The following MORC1 variants were observed in gnomAD, a reference collection of about 807,000 sequenced individuals.
The protein encoded by MORC1 is MORC family CW-type zinc finger protein 1.
MORC1 carries 59 observed loss-of-function variants against 134.9 expected under a neutral mutation model. The ratio of observed to expected loss-of-function variants is 0.44; its 90% CI spans 0.35 to 0.54. MORC1 has a LOEUF of 0.54. MORC1 is among the 20% of genes least tolerant of loss of function. The probability of loss-of-function intolerance (pLI) is 0.00; values close to 1 mark genes in which losing one functional copy is unlikely to be tolerated. For missense variants in MORC1, 947 were observed against 1,134.5 expected (o/e 0.83, Z 2.37); for synonymous variants, 395 against 391.7 (o/e 1.01, Z -0.10).
chr3:108,983,570 G>A (rs185767391), intron 23 of MORC1, among the ~76,000 whole-genome samples: 22 of 152,228 alleles, frequency 1.4e-4, no homozygotes, highest in African/African-American at 5.3e-4. Flanking sequence ...TATCCTTTAG[G>A]AACCTGTATG....
At chr3:109,021,937 G>C (rs902581132) in intron 17 of MORC1, among the ~76,000 whole-genome samples, 2 of 152,190 alleles carry the variant, frequency 1.3e-5, no homozygotes, top group African/African-American at 4.8e-5. Context: ...TTGTACACTA[G>C]TTAATCATAA....
At chr3:108,977,115 T>C (rs1211307786) in intron 24 of MORC1, among the ~76,000 whole-genome samples, 7 of 152,194 alleles carry the variant, frequency 4.6e-5, no homozygotes, top group Non-Finnish European at 8.8e-5. Context: ...GGGTATATGC[T>C]ATATATGATT....
rs776364556 is a variant in MORC1, at chr3:108,984,759, C to T, written c.2281G>A (p.Val761Ile). Reference sequence around the variant, plus strand: ...GAAGAGCTTCTTTTCATTGCTAGAACATCATTGCACAGCTCCTGTTTTTCT... The same window carrying T: ...GAAGAGCTTCTTTTCATTGCTAGAATATCATTGCACAGCTCCTGTTTTTCT... ...NQEKQELCND[V>I]LAMKRSSSLP... Residue 761 changes from valine to isoleucine, a missense_variant, in exon 23 of 28, where the codon GTT becomes ATT. Val to Ile is a conservative substitution (Grantham distance 29). Coordinates refer to ENST00000232603, the MANE Select transcript of MORC1 (RefSeq NM_014429.4). 3 of 1,609,206 alleles carry T rather than the reference C, an allele frequency of 1.9e-6. No individual in the cohort carries two copies. The highest frequency in any genetic ancestry group is 1.3e-5 in the African/African-American group (1 of 74,772).
At chr3:109,082,755 A>C (rs539430507) in intron 8 of MORC1, among the ~76,000 whole-genome samples, 1 of 152,264 alleles carries the variant, frequency 6.6e-6, no homozygotes, top group East Asian at 1.9e-4. Context: ...AAAAAAATGA[A>C]AGAAACAAAG....
At position 108,963,488 on chromosome 3, in the gene MORC1, T is replaced by C; in HGVS notation, c.2725A>G (p.Lys909Glu). The C allele has an allele frequency of 2.5e-6, 4 of 1,612,988 alleles. No individual in the cohort carries two copies. The highest frequency in any genetic ancestry group is 1.3e-5 in the African/African-American group (1 of 75,020). Residue 909 changes from lysine (K) to glutamate (E), a missense_variant, in exon 27 of 28, where the codon AAA (lysine) becomes GAA (glutamate). By Grantham distance (56) the Lys-to-Glu change is moderately conservative. This residue lies in a region of MORC1 where 722 missense variants were observed against 817.0 expected (regional missense o/e 0.88). Coordinates refer to ENST00000232603, the MANE Select transcript of MORC1 (RefSeq NM_014429.4). ...AGCTTATCCTCAGAGATTTTTCTTTTATTTTCACATTGCCCCAGAGAGATT... is the reference window on the plus strand; with the variant it reads ...AGCTTATCCTCAGAGATTTTTCTTTCATTTTCACATTGCCCCAGAGAGATT... ...NEISLGQCEN[K>E]RKISEDKLKN...
chr3:109,001,130 C>CTTTTTA, intron 20 of MORC1, among the ~76,000 whole-genome samples: 1 of 152,008 alleles, frequency 6.6e-6, no homozygotes, highest in Admixed American at 6.6e-5. Context: ...GCTTATCTTT[C>CTTTTTA]TTTTTATTTT....
chr3:109,062,581 C>T (rs1042601695), intron 10 of MORC1, among the ~76,000 whole-genome samples: 5 of 151,928 alleles, frequency 3.3e-5, no homozygotes, highest in African/African-American at 9.7e-5. Context: ...CCACCACACC[C>T]GGCTAACTTT....
chr3:109,064,123 A>G (rs113224587), intron 9 of MORC1, among the ~76,000 whole-genome samples: 1 of 152,150 alleles, frequency 6.6e-6, no homozygotes, highest in African/African-American at 2.4e-5. Context: ...GTTTAAAAAA[A>G]CCTGTGTGTG....
chr3:108,987,549 GATT>G (rs1393030304), intron 21 of MORC1, among the ~76,000 whole-genome samples: 1 of 152,112 alleles, frequency 6.6e-6, no homozygotes, highest in African/African-American at 2.4e-5. Flanking sequence ...TTAGTGTGTT[GATT>G]GTTGGAGCCA....
At chr3:109,076,468 C>T (rs776814268) in intron 8 of MORC1, among the ~76,000 whole-genome samples, 11 of 152,168 alleles carry the variant, frequency 7.2e-5, no homozygotes, top group East Asian at 1.9e-4. Context: ...CCAGCAATCC[C>T]ATTACTGGGT....
At chr3:108,973,792 G>A (rs562212175) in intron 24 of MORC1, among the ~76,000 whole-genome samples, 1 of 151,774 alleles carries the variant, frequency 6.6e-6, no homozygotes, top group East Asian at 1.9e-4. Context: ...TAGAGATGGG[G>A]TTTTGCCATG....
In MORC1 at chr3:109,099,423, T is replaced by G; in HGVS notation, c.358A>C (p.Lys120Gln). The change falls in exon 6 of 28, where the codon AAG (lysine) becomes CAG (glutamine). Residue 120 changes from lysine to glutamine, a missense_variant. Lys to Gln is a moderately conservative substitution (Grantham distance 53). This residue lies in a region of MORC1 where 214 missense variants were observed against 281.3 expected (regional missense o/e 0.76). Coordinates refer to ENST00000232603, the MANE Select transcript of MORC1 (RefSeq NM_014429.4). ...IGKDFILFTK[K>Q]EETMTCVFFS... ...AACACACAGGTCATCGTTTCTTCCT[T>G]CTTCGTAAAAAGAATAAAGTCTTTT... is the stretch of plus-strand genomic sequence containing the variant. 6.2e-7 allele frequency: 1 copy of G among 1,613,430 alleles called. No homozygotes were observed. Among genetic ancestry groups the G allele is most frequent in the Non-Finnish European group, 8.5e-7 (1 of 1,179,802 alleles).
chr3:108,985,951 C>G (rs1202175688), intron 22 of MORC1, among the ~76,000 whole-genome samples: 1 of 152,004 alleles, frequency 6.6e-6, no homozygotes, highest in African/African-American at 2.4e-5. Context: ...TCTTAGGGAC[C>G]TCACTAATGG....
chr3:109,012,101 A>G (rs1668158680), intron 17 of MORC1, among the ~76,000 whole-genome samples: 1 of 152,136 alleles, frequency 6.6e-6, no homozygotes, highest in Non-Finnish European at 1.5e-5. Flanking sequence ...CCTATGATCT[A>G]TTTCAAAATA....
chr3:109,013,153 T>A (rs1465066935), intron 17 of MORC1, among the ~76,000 whole-genome samples: 1 of 152,154 alleles, frequency 6.6e-6, no homozygotes, highest in Non-Finnish European at 1.5e-5. Flanking sequence ...TTTGCTAGAA[T>A]TCTTTAACGT....
At chr3:109,106,604 T>G (rs1236422689) in intron 3 of MORC1, among the ~76,000 whole-genome samples, 4 of 152,202 alleles carry the variant, frequency 2.6e-5, no homozygotes. Flanking sequence ...GGCATCACCC[T>G]GCCCCTAGGC....
rs1950819238 is a variant in MORC1 at position 109,095,665 on chromosome 3, G to C, written c.424-597C>G. On this transcript the variant is annotated intron_variant, in intron 6 of 27. Transcript: ENST00000232603. ...GTGGGCACCTTACTGAGATTAGATA[G>C]ACCGAGTGAAAGTATACTTAGCAGA... Among the ~76,000 whole-genome samples the C allele has an allele frequency of 2.6e-5, 4 of 152,158 alleles. No homozygotes were observed. The South Asian group carries it at 6.2e-4, about 24-fold the overall frequency.
intron 6 of MORC1, among the ~76,000 whole-genome samples, chr3:109,097,348 A>C (rs1245771673): frequency 6.6e-6 from 1 of 152,214 alleles, no homozygotes; most frequent in Non-Finnish European, 1.5e-5. Context: ...CCCAACTACC[A>C]TTAAGTGTTA....
At position 109,064,940 on chromosome 3, in the gene MORC1, G is replaced by C. The variant is rs140155157; in HGVS notation, c.816-1709C>G. The stretch of plus-strand genomic sequence containing the variant: ...CCTCCTCTATCATTCTGAAGATTTT[G>C]TTCAGGATAAAAACTCAGAAGGCCT... On this transcript the variant is annotated intron_variant, in intron 9 of 27. Coordinates refer to ENST00000232603, the MANE Select transcript of MORC1 (RefSeq NM_014429.4). Among the ~76,000 whole-genome samples, 203 of 152,132 alleles carry C rather than the reference G, an allele frequency of 1.3e-3. 5 individuals carry two copies. In the East Asian group the frequency reaches 0.034, roughly 25 times the overall value.
Sources: gnomAD v4.1 joint callset for allele counts (sites outside exome capture counted in the v4.1 genomes callset) on GRCh38, gnomAD v4.1.1 for gene constraint, gnomAD v4.1.1 regional missense constraint, MANE v1.5 for transcripts, NCBI Gene and HGNC (gene_info 2026-07-23, HGNC 2026-07-21) for gene names.